MCTP1: variants seen among roughly 807,000 people sequenced by gnomAD.
The protein encoded by MCTP1 is multiple C2 and transmembrane domain containing 1, also known as multiple C2 and transmembrane domain-containing protein 1.
MCTP1 carries 69 observed loss-of-function variants against 120.6 expected under a neutral mutation model. That is an observed-to-expected ratio of 0.57 (90% CI 0.47 to 0.70). The LOEUF (loss-of-function observed/expected upper bound fraction) is 0.70, where lower values mean the gene tolerates loss of function less well. Ranked by LOEUF, MCTP1 falls within the 30% of genes least tolerant of loss-of-function variation. The pLI is 0.00. For synonymous variants in MCTP1, 529 were observed against 493.1 expected, an observed-to-expected ratio of 1.07 and a Z score of -0.96; for missense variants, 1,203 against 1,248.8, an observed-to-expected ratio of 0.96 and a Z score of 0.55.
chr5:95,262,478 A>T (rs1490721585), intron 1 of MCTP1, among the ~76,000 whole-genome samples: 1 of 152,216 alleles, frequency 6.6e-6, no homozygotes, highest in Non-Finnish European at 1.5e-5. Context: ...CATAAAAATA[A>T]TATAAAAGGA....
In MCTP1 at chr5:95,158,998, T is replaced by C. The variant is rs1745428407; in HGVS notation, c.720+124858A>G. Among the ~76,000 whole-genome samples, 3 of 152,206 alleles carry C rather than the reference T, an allele frequency of 2.0e-5. 1 individual carries two copies. In the South Asian group the frequency reaches 6.2e-4, roughly 31 times the overall value. On this transcript the variant is annotated intron_variant, in intron 1 of 22. Coordinates refer to ENST00000515393, the MANE Select transcript of MCTP1 (RefSeq NM_024717.7). ...GCAGAATTTTTTAGTTTCTGTTGAG[T>C]ATGTATCCATAACTTTGAGAAAATT...
chr5:95,043,936 T>C (rs1235496118), intron 1 of MCTP1, among the ~76,000 whole-genome samples: 1 of 152,224 alleles, frequency 6.6e-6, no homozygotes, highest in Non-Finnish European at 1.5e-5. Context: ...CTAAGCACTG[T>C]ATGCTCACAC....
chr5:95,175,290 A>C (rs1297886630), intron 1 of MCTP1, among the ~76,000 whole-genome samples: 1 of 152,188 alleles, frequency 6.6e-6, no homozygotes, highest in Non-Finnish European at 1.5e-5. Flanking sequence ...ATGAGTTTTC[A>C]ATTGAGAGGG....
intron 1 of MCTP1, among the ~76,000 whole-genome samples, chr5:95,139,700 A>G (rs1759749294): frequency 6.6e-6 from 1 of 152,206 alleles, no homozygotes; most frequent in African/African-American, 2.4e-5. Flanking sequence ...ACAACTGCAG[A>G]TCCACAGAAG....
intron 1 of MCTP1, among the ~76,000 whole-genome samples, chr5:95,017,941 T>C (rs1837438768): frequency 6.6e-6 from 1 of 152,130 alleles, no homozygotes; most frequent in Admixed American, 6.6e-5. Flanking sequence ...AGCTCATACC[T>C]ATGAATTAAG....
At chr5:94,721,452 C>T (rs552095187) in intron 19 of MCTP1, among the ~76,000 whole-genome samples, 1 of 152,272 alleles carries the variant, frequency 6.6e-6, no homozygotes, top group South Asian at 2.1e-4. Flanking sequence ...TGCACTCCCA[C>T]CCAGTCCACC....
intron 1 of MCTP1, among the ~76,000 whole-genome samples, chr5:95,231,411 C>T (rs1485861564): frequency 6.6e-6 from 1 of 152,084 alleles, no homozygotes; most frequent in African/African-American, 2.4e-5. Flanking sequence ...GATTTACCTT[C>T]CCACTTGAAA....
intron 2 of MCTP1, among the ~76,000 whole-genome samples, chr5:95,012,889 T>C (rs941515017): frequency 6.6e-6 from 1 of 152,134 alleles, no homozygotes; most frequent in Non-Finnish European, 1.5e-5. Flanking sequence ...GAGTCACATG[T>C]CTTTCACTTT....
intron 19 of MCTP1, among the ~76,000 whole-genome samples, chr5:94,715,557 ATTT>A (rs1418765879): frequency 1.3e-5 from 2 of 152,124 alleles, no homozygotes; most frequent in African/African-American, 4.8e-5. Flanking sequence ...TGCTTAGTTC[ATTT>A]TAAAACATAC....
chr5:94,799,510 A>G (rs901819607), intron 17 of MCTP1, among the ~76,000 whole-genome samples: 1 of 152,162 alleles, frequency 6.6e-6, no homozygotes. Flanking sequence ...ATGATAAAAA[A>G]TGAATCACTA....
intron 18 of MCTP1, chr5:94,789,544 A>G (rs1057064114): frequency 6.6e-6 from 1 of 152,222 alleles, no homozygotes; most frequent in Non-Finnish European, 1.5e-5. Flanking sequence ...AAAACCAAAC[A>G]TGGAGTTACT....
At chr5:94,847,429 C>T (rs891297208) in intron 17 of MCTP1, among the ~76,000 whole-genome samples, 1 of 151,982 alleles carries the variant, frequency 6.6e-6, no homozygotes. Flanking sequence ...ATTTCTACAT[C>T]TCCCGAGAAA....
At chr5:94,766,739 G>T (rs67315773) in intron 19 of MCTP1, among the ~76,000 whole-genome samples, 18,120 of 151,418 alleles carry the variant, frequency 0.12, 1,301 homozygotes, top group East Asian at 0.26. Flanking sequence ...ATTGAACCAG[G>T]AAGAAACAGA....
chr5:94,913,451 G>C (rs1809307565), intron 8 of MCTP1, among the ~76,000 whole-genome samples: 1 of 152,130 alleles, frequency 6.6e-6, no homozygotes, highest in Non-Finnish European at 1.5e-5. Flanking sequence ...GTTCTATCCA[G>C]ATAGTTTAAA....
chr5:95,062,602 A>G (rs1464390683), intron 1 of MCTP1, among the ~76,000 whole-genome samples: 1 of 152,188 alleles, frequency 6.6e-6, no homozygotes, highest in Non-Finnish European at 1.5e-5. Flanking sequence ...GATTGGGGCA[A>G]AGGAACTGAA....
At chr5:94,970,177 G>A (rs534159510) in intron 2 of MCTP1, among the ~76,000 whole-genome samples, 1 of 152,002 alleles carries the variant, frequency 6.6e-6, no homozygotes, top group Admixed American at 6.6e-5. Context: ...AGTAGTAGAA[G>A]GCAGTTCAGG....
chr5:94,968,889 C>T (rs32919), intron 2 of MCTP1, among the ~76,000 whole-genome samples: 8,429 of 152,152 alleles, frequency 0.055, 293 homozygotes, highest in East Asian at 0.089. Flanking sequence ...TCAAAAAGTA[C>T]GAAAGATGAA....
intron 19 of MCTP1, among the ~76,000 whole-genome samples, chr5:94,753,361 T>G (rs1402726908): frequency 6.6e-6 from 1 of 152,224 alleles, no homozygotes; most frequent in Non-Finnish European, 1.5e-5. Flanking sequence ...TATTGCCATA[T>G]AGCTTCCTAT....
intron 13 of MCTP1, among the ~76,000 whole-genome samples, chr5:94,872,508 T>TG (rs1364118471): frequency 6.6e-6 from 1 of 152,078 alleles, no homozygotes; most frequent in Non-Finnish European, 1.5e-5. Context: ...GAAGTACTTC[T>TG]GTTTGGAGAA....
Sources: allele counts gnomAD v4.1 joint callset (sites outside exome capture counted in the v4.1 genomes callset), GRCh38; gene constraint gnomAD v4.1.1; transcripts MANE v1.5; gene names NCBI Gene and HGNC (gene_info 2026-07-23, HGNC 2026-07-21).